ST6GALNAC5: variants seen among roughly 807,000 people sequenced by gnomAD.
The protein encoded by ST6GALNAC5 is ST6 N-acetylgalactosaminide alpha-2,6-sialyltransferase 5, also known as alpha-N-acetylgalactosaminide alpha-2,6-sialyltransferase 5.
ST6GALNAC5 carries 27 observed loss-of-function variants against 33.6 expected under a neutral mutation model. That is an observed-to-expected ratio of 0.80 (90% CI 0.59 to 1.11). The LOEUF (loss-of-function observed/expected upper bound fraction) is 1.11, where lower values mean the gene tolerates loss of function less well. Among genes scored for constraint, ST6GALNAC5 ranks in the 50% least tolerant of loss-of-function variants. The pLI is 0.00. For synonymous variants in ST6GALNAC5, 194 were observed against 171.2 expected, an observed-to-expected ratio of 1.13 and a Z score of -1.04; for missense variants, 428 against 454.0, an observed-to-expected ratio of 0.94 and a Z score of 0.52.
At chr1:76,867,783 C>A in intron 1 of ST6GALNAC5, 93 bp downstream of exon 1, 2 of 1,582,126 alleles carry the variant, frequency 1.3e-6, no homozygotes, top group Non-Finnish European at 1.7e-6. Flanking sequence ...AGACGCCTAA[C>A]CCTGGGCCGC....
intron 2 of ST6GALNAC5, among the ~76,000 whole-genome samples, chr1:77,005,223 C>T (rs1047074409): frequency 6.6e-5 from 10 of 152,224 alleles, no homozygotes; most frequent in East Asian, 1.9e-4. Flanking sequence ...GTCCGAAAAG[C>T]GCAATATTCA....
intron 2 of ST6GALNAC5, among the ~76,000 whole-genome samples, chr1:76,871,068 C>T (rs377339731): frequency 6.6e-6 from 1 of 152,202 alleles, no homozygotes; most frequent in African/African-American, 2.4e-5. Flanking sequence ...TTTATGTTCT[C>T]TCCAAAAGTT....
At chr1:76,942,828 A>G (rs1557731478) in intron 2 of ST6GALNAC5, among the ~76,000 whole-genome samples, 1 of 152,094 alleles carries the variant, frequency 6.6e-6, no homozygotes, top group Non-Finnish European at 1.5e-5. Context: ...GACATTTAGA[A>G]CAGCTCTATC....
At chr1:76,933,056 A>G (rs996694506) in intron 2 of ST6GALNAC5, among the ~76,000 whole-genome samples, 1 of 152,086 alleles carries the variant, frequency 6.6e-6, no homozygotes, top group Admixed American at 6.6e-5. Context: ...AACTGCACAC[A>G]TTATATTTCT....
intron 2 of ST6GALNAC5, among the ~76,000 whole-genome samples, chr1:76,980,939 G>A (rs946519990): frequency 6.6e-6 from 1 of 152,120 alleles, no homozygotes; most frequent in African/African-American, 2.4e-5. Context: ...AATAACCCAA[G>A]GATTTGGAGA....
intron 2 of ST6GALNAC5, among the ~76,000 whole-genome samples, chr1:76,891,683 T>A (rs1654015848): frequency 6.6e-6 from 1 of 152,162 alleles, no homozygotes; most frequent in Admixed American, 6.5e-5. Flanking sequence ...ATTATTCCTA[T>A]GTTTTCTTCT....
chr1:76,934,192 G>T (rs906662330), intron 2 of ST6GALNAC5, among the ~76,000 whole-genome samples: 1 of 152,012 alleles, frequency 6.6e-6, no homozygotes, highest in African/African-American at 2.4e-5. Flanking sequence ...TCAAACTCCG[G>T]TAGCTTTTTT....
chr1:77,037,559 TTATAAAAGTAAA>T (rs372992687), intron 2 of ST6GALNAC5, among the ~76,000 whole-genome samples: 9,885 of 152,036 alleles, frequency 0.065, 416 homozygotes, highest in African/African-American at 0.11. Flanking sequence ...AAAGTTAAAA[TTATAAAAGTAAA>T]TATAAAAATA....
chr1:76,997,644 C>T (rs1317728082), intron 2 of ST6GALNAC5, among the ~76,000 whole-genome samples: 4 of 152,090 alleles, frequency 2.6e-5, no homozygotes, highest in African/African-American at 9.7e-5. Flanking sequence ...AGAAATAAAA[C>T]TTAATGTCTA....
At chr1:77,037,645 C>T (rs1651695001) in intron 2 of ST6GALNAC5, among the ~76,000 whole-genome samples, 1 of 152,038 alleles carries the variant, frequency 6.6e-6, no homozygotes, top group African/African-American at 2.4e-5. Flanking sequence ...AAGATCTAAG[C>T]AGGTGAGTGA....
chr1:76,953,702 T>C (rs1238365874), intron 2 of ST6GALNAC5, among the ~76,000 whole-genome samples: 2 of 152,132 alleles, frequency 1.3e-5, no homozygotes, highest in Non-Finnish European at 2.9e-5. Flanking sequence ...CAATTTTTGG[T>C]GTCATGTCTA....
chr1:76,876,270 C>A (rs1434954486), intron 2 of ST6GALNAC5, among the ~76,000 whole-genome samples: 2 of 152,232 alleles, frequency 1.3e-5, no homozygotes, highest in Non-Finnish European at 2.9e-5. Context: ...AAGTTGGGCA[C>A]TCAGCAGTGG....
chr1:76,997,573 C>G (rs1419300830), intron 2 of ST6GALNAC5, among the ~76,000 whole-genome samples: 4 of 152,184 alleles, frequency 2.6e-5, no homozygotes, highest in Non-Finnish European at 4.4e-5. Flanking sequence ...AATTACTACT[C>G]TTTGAATGCT....
rs142979691 is a variant in ST6GALNAC5, at chr1:76,887,023, C to T, written c.261+18281C>T. On this transcript the variant is annotated intron_variant, in intron 2 of 4. Transcript: ENST00000477717. ...ATGCTGCGATGAACACTGGTGTTCC[C>T]ATTCATTTTGTAAAGTAACCCCCTC... Among the ~76,000 whole-genome samples, 6 of 152,176 alleles carry T rather than the reference C, an allele frequency of 3.9e-5. No homozygotes were observed. The East Asian group carries it at 1.2e-3, about 29-fold the overall frequency.
intron 4 of ST6GALNAC5, among the ~76,000 whole-genome samples, chr1:77,053,594 G>A (rs958915443): frequency 1.3e-5 from 2 of 152,154 alleles, no homozygotes; most frequent in African/African-American, 4.8e-5. Context: ...CTTAGTGACT[G>A]ATATTGGGCA....
At chr1:77,005,366 C>G (rs1050294636) in intron 2 of ST6GALNAC5, among the ~76,000 whole-genome samples, 1 of 152,184 alleles carries the variant, frequency 6.6e-6, no homozygotes, top group African/African-American at 2.4e-5. Context: ...GGTGCGCACA[C>G]CCACTGACCT....
intron 2 of ST6GALNAC5, among the ~76,000 whole-genome samples, chr1:76,983,361 A>T (rs1649338897): frequency 6.6e-6 from 1 of 152,180 alleles, no homozygotes; most frequent in African/African-American, 2.4e-5. Flanking sequence ...AGGGGTTGCA[A>T]TCCTAGTCTC....
At chr1:76,907,460 G>A (rs1030154223) in intron 2 of ST6GALNAC5, among the ~76,000 whole-genome samples, 2 of 152,098 alleles carry the variant, frequency 1.3e-5, no homozygotes, top group East Asian at 1.9e-4. Flanking sequence ...CCAAGACAAG[G>A]CCTCTTTTTG....
intron 2 of ST6GALNAC5, among the ~76,000 whole-genome samples, chr1:76,913,341 T>G (rs1384529246): frequency 3.3e-5 from 5 of 151,306 alleles, no homozygotes; most frequent in African/African-American, 1.2e-4. Context: ...TCTCTCTGGC[T>G]GCCCTTAACA....
Sources: allele counts gnomAD v4.1 joint callset (sites outside exome capture counted in the v4.1 genomes callset), GRCh38; gene constraint gnomAD v4.1.1; transcripts MANE v1.5; gene names NCBI Gene and HGNC (gene_info 2026-07-23, HGNC 2026-07-21).